Variants in P3H1 observed in about 807,000 individuals in gnomAD.
The protein encoded by P3H1 is prolyl 3-hydroxylase 1.
P3H1 carries 69 observed loss-of-function variants against 84.0 expected under a neutral mutation model. The ratio of observed to expected loss-of-function variants is 0.82; its 90% CI spans 0.68 to 1.00. The LOEUF is 1.00. Among genes scored for constraint, P3H1 ranks in the 50% least tolerant of loss-of-function variants. The probability of loss-of-function intolerance (pLI) is 0.00; values close to 1 mark genes in which losing one functional copy is unlikely to be tolerated. For missense variants in P3H1, 878 were observed against 962.8 expected (o/e 0.91, Z 1.17); for synonymous variants, 366 against 388.8 (o/e 0.94, Z 0.69).
rs1270938036 is a variant in P3H1, at chr1:42,746,468, G to A, written c.*229C>T. The A allele has an allele frequency of 2.9e-5, 17 of 584,372 alleles. No individual in the cohort carries two copies. The highest frequency in any genetic ancestry group is 1.2e-5 in the Non-Finnish European group (4 of 328,072). 36.2% of individuals were successfully genotyped at this position (584,372 alleles called of 1,614,324 possible). A position where few individuals can be genotyped will look rare whatever the true frequency, so the allele number is the denominator to read the frequency against. On this transcript the variant is annotated 3_prime_UTR_variant, in exon 15 of 15. Transcript: ENST00000296388. Reference sequence around the variant, plus strand: ...GCAGCGGCCTGTGGAGGCCCCTGGGGGTGGCTGGGCCTGTGTCCTGAGCCC... The same window carrying A: ...GCAGCGGCCTGTGGAGGCCCCTGGGAGTGGCTGGGCCTGTGTCCTGAGCCC...
chr1:42,763,498 C>T (rs1327290186), intron 1 of P3H1, among the ~76,000 whole-genome samples: 1 of 150,914 alleles, frequency 6.6e-6, no homozygotes, highest in Non-Finnish European at 1.5e-5. Flanking sequence ...ATGGTGAAAC[C>T]CCGTCTCTAC....
Position 42,758,762 on chromosome 1 carries a change from T to C in P3H1, c.940+90A>G, listed in dbSNP as rs114545255. 8.6e-3 allele frequency: 12,598 copies of C among 1,469,846 alleles called. 91 individuals carry two copies. Among genetic ancestry groups the C allele is most frequent in the Non-Finnish European group, 9.7e-3 (10,245 of 1,052,890 alleles). The allele number at this position is 1,469,846 out of a possible 1,614,324, so 91.1% of individuals were successfully genotyped here. On this transcript the variant is annotated intron_variant, in intron 4 of 14. Transcript: ENST00000296388. ...TAGCTACTGAAATAAGCCAAACACCTTGAGGAAGTAAGTGGCTGTAATCCC... is the reference window on the plus strand; with the variant it reads ...TAGCTACTGAAATAAGCCAAACACCCTGAGGAAGTAAGTGGCTGTAATCCC...
At chr1:42,756,573 T>C (rs913718503) in intron 5 of P3H1, 7 of 154,406 alleles carry the variant, frequency 4.5e-5, no homozygotes, top group African/African-American at 1.4e-4. Flanking sequence ...TCATCTACTA[T>C]ATTTACCTAA....
chr1:42,749,922 G>A (rs376895762), intron 11 of P3H1: 21 of 506,462 alleles, frequency 4.1e-5, no homozygotes, highest in Middle Eastern at 5.3e-4. Flanking sequence ...ATTAAAGTGC[G>A]TTGTGTGACA....
At chr1:42,761,906 T>TA (rs903485871) in intron 2 of P3H1, 11 of 201,678 alleles carry the variant, frequency 5.5e-5, no homozygotes, top group African/African-American at 2.6e-4. Context: ...AAAAAGATGA[T>TA]AAAAAATGCA....
intron 13 of P3H1, 95 bp from the exon 14 acceptor site, chr1:42,747,507 G>T: frequency 1.5e-6 from 2 of 1,306,230 alleles, no homozygotes; most frequent in Non-Finnish European, 2.2e-6. Flanking sequence ...ACGACCGAGG[G>T]CAGCTCTTCA....
At chr1:42,749,949 C>T in intron 11 of P3H1, 1 of 551,430 alleles carries the variant, frequency 1.8e-6, no homozygotes, top group Non-Finnish European at 3.3e-6. Context: ...GGGTGGCCCC[C>T]TTTCTGGCTG....
In P3H1 at chr1:42,746,683, T is replaced by A; in HGVS notation, c.*14A>T. ...CCATGGGTCTAGTCACCCATCCGTC[T>A]GACCTGGACGCTGTCATAGCTCATC... On this transcript the variant is annotated 3_prime_UTR_variant, in exon 15 of 15. Coordinates refer to ENST00000296388, the MANE Select transcript of P3H1 (RefSeq NM_022356.4). 6.5e-7 allele frequency: 1 copy of A among 1,548,466 alleles called. No individual in the cohort carries two copies. The highest frequency in any genetic ancestry group is 8.7e-7 in the Non-Finnish European group (1 of 1,144,142).
chr1:42,763,916 G>C (rs1652855300), intron 1 of P3H1, among the ~76,000 whole-genome samples: 1 of 151,146 alleles, frequency 6.6e-6, no homozygotes, highest in Non-Finnish European at 1.5e-5. Context: ...AGGCTGAGGC[G>C]GGCGGATCAT....
At position 42,755,446 on chromosome 1, in the gene P3H1, A is replaced by G. The variant is rs112606093; in HGVS notation, c.1170+102T>C. The G allele has an allele frequency of 3.5e-6, 4 of 1,136,888 alleles. No homozygotes were observed. In the East Asian group the frequency reaches 9.4e-5, roughly 27 times the overall value. 70.4% of individuals were successfully genotyped at this position (1,136,888 alleles called of 1,614,324 possible). ...AGATCCCAGGCTAGGCTCAGCCTCC[A>G]GCAAGTTTTCTCTCAGAATCGCACA... On this transcript the variant is annotated intron_variant, in intron 6 of 14. Coordinates refer to ENST00000296388, the MANE Select transcript of P3H1 (RefSeq NM_022356.4).
At chr1:42,756,205 C>CT (rs368833358) in intron 5 of P3H1, among the ~76,000 whole-genome samples, 1 of 151,996 alleles carries the variant, frequency 6.6e-6, no homozygotes. Context: ...TTATCTTTTT[C>CT]TTTTTTTTCA....
At position 42,746,806 on chromosome 1, in the gene P3H1, T is replaced by C. The variant is rs1557558093; in HGVS notation, c.2102A>G (p.Glu701Gly). The C allele has an allele frequency of 6.3e-7, 1 of 1,598,396 alleles. No homozygotes were observed. The highest frequency in any genetic ancestry group is 1.8e-5 in the Admixed American group (1 of 56,978). ...DDLVKMLFSPEEMDLSQEQPL... is the reference protein window; with the variant it reads ...DDLVKMLFSPGEMDLSQEQPL... ...CTGCTCCTGGGAGAGGTCCATCTCT[T>C]CTGGGCTGAAGAGCATCTTCACCAG... Residue 701 changes from glutamate (E) to glycine (G), a missense_variant, in exon 15 of 15, where the codon GAA (glutamate) becomes GGA (glycine). Glu to Gly is a moderately conservative substitution (Grantham distance 98). Transcript: ENST00000296388.
chr1:42,752,584 C>G lies in P3H1; in HGVS notation c.1426G>C (p.Gly476Arg). The G allele has an allele frequency of 6.2e-7, 1 of 1,614,144 alleles. No individual in the cohort carries two copies. The highest frequency in any genetic ancestry group is 8.5e-7 in the Non-Finnish European group (1 of 1,180,026). Residue 476 changes from glycine (G) to arginine (R), a missense_variant, in exon 9 of 15, where the codon GGC becomes CGC. Coordinates refer to ENST00000296388, the MANE Select transcript of P3H1 (RefSeq NM_022356.4). The part of the protein sequence containing the change: ...LNGSQRVVMD[G>R]VISDHECQEL... ...TGACACTCGTGGTCAGAGATTACGCCGTCCATCACCACCCGCTGGGAACCA... is the reference window on the plus strand; with the variant it reads ...TGACACTCGTGGTCAGAGATTACGCGGTCCATCACCACCCGCTGGGAACCA...
chr1:42,766,129 C>A (rs999042044), intron 1 of P3H1, among the ~76,000 whole-genome samples: 6 of 152,010 alleles, frequency 3.9e-5, no homozygotes, highest in African/African-American at 1.5e-4. Context: ...ACTGGAAAAC[C>A]AACCGGAAGG....
Position 42,757,900 on chromosome 1 carries a change from A to G in P3H1, c.963T>C (p.Val321=), listed in dbSNP as rs142327178. The G allele has an allele frequency of 6.2e-7, 1 of 1,614,104 alleles. No homozygotes were observed. The highest frequency in any genetic ancestry group is 1.3e-5 in the African/African-American group (1 of 74,932). ...AGAGAAGATAGGTCTTGGCACATTC[A>G]ACAGCCTGTGTATAATTCCCAACTG... The part of the protein sequence containing the change: ...YYNIGNYTQA[V]ECAKTYLLFF... The change falls in exon 5 of 15, where the codon GTT becomes GTC. Residue 321 remains valine (V), a synonymous_variant. Coordinates refer to ENST00000296388, the MANE Select transcript of P3H1 (RefSeq NM_022356.4).
rs45549742 is a variant in P3H1, at chr1:42,748,003, G to A, written c.1838+197C>T. ...GTCCCCTGTGCCCACTCACACTACC[G>A]TTCTTGTCACACCACGATATGATTC... On this transcript the variant is annotated intron_variant, in intron 12 of 14. Transcript: ENST00000296388. 0.01 allele frequency among the ~76,000 whole-genome samples: 1,576 copies of A among 152,206 alleles called. 12 individuals are homozygous for A. The highest frequency in any genetic ancestry group is 0.026 in the South Asian group (123 of 4,818).
chr1:42,761,337 C>T (rs900185400), intron 2 of P3H1: 2 of 152,136 alleles, frequency 1.3e-5, no homozygotes, highest in African/African-American at 4.8e-5. Context: ...ACCATAAACT[C>T]TCTATAAAAT....
intron 1 of P3H1, among the ~76,000 whole-genome samples, chr1:42,762,992 G>A (rs2124158785): frequency 6.6e-6 from 1 of 152,134 alleles, no homozygotes; most frequent in Non-Finnish European, 1.5e-5. Context: ...AGGCTGAGGT[G>A]GGAGGACGCT....
In P3H1 at chr1:42,762,319, T is replaced by C. The variant is rs191121940; in HGVS notation, c.618+4A>G. 2.4e-5 allele frequency: 38 copies of C among 1,613,834 alleles called. No homozygotes were observed. The highest frequency in any genetic ancestry group is 1.5e-4 in the Admixed American group (9 of 59,998). ...AAGAAAGAAGGGGATAAAGTTTTTT[T>C]CACCATATGGGGTTGAGTCTCAAGA... On this transcript the variant is annotated splice_donor_region_variant and intron_variant, in intron 2 of 14. Transcript: ENST00000296388.
Sources: gnomAD v4.1 joint callset for allele counts (sites outside exome capture counted in the v4.1 genomes callset) on GRCh38, gnomAD v4.1.1 for gene constraint, MANE v1.5 for transcripts, NCBI Gene and HGNC (gene_info 2026-07-23, HGNC 2026-07-21) for gene names.